PTGER4: variants seen among roughly 807,000 people sequenced by gnomAD.
The protein encoded by PTGER4 is prostaglandin E receptor 4.
Under a neutral mutation model 33.2 loss-of-function variants are expected in PTGER4, and 11 were observed. The observed-to-expected ratio is 0.33, with a 90% CI of 0.21 to 0.55. The LOEUF is 0.55. Ranked by LOEUF, PTGER4 falls within the 20% of genes least tolerant of loss-of-function variation. The pLI is 0.92. For missense variants in PTGER4, 481 were observed against 650.2 expected, an observed-to-expected ratio of 0.74 and a Z score of 2.83; for synonymous variants, 275 against 281.5, an observed-to-expected ratio of 0.98 and a Z score of 0.23.
the PTGER4 span, among the ~76,000 whole-genome samples, chr5:40,725,843 T>TGG: frequency 6.7e-6 from 1 of 149,652 alleles, no homozygotes; most frequent in South Asian, 2.1e-4. Flanking sequence ...TGGAGTGCAG[T>TGG]GGCGCGATCT....
the PTGER4 span, among the ~76,000 whole-genome samples, chr5:40,727,044 T>C: frequency 5.9e-5 from 9 of 152,338 alleles, no homozygotes; most frequent in African/African-American, 1.9e-4. Flanking sequence ...TAACTTACTT[T>C]AATCAAATCA....
At chr5:40,730,006 A>C in the PTGER4 span, among the ~76,000 whole-genome samples, 1 of 152,162 alleles carries the variant, frequency 6.6e-6, no homozygotes, top group Non-Finnish European at 1.5e-5. Context: ...CCCACCAGTG[A>C]CTTTAAAAGA....
At chr5:40,739,936 C>CT in the PTGER4 span, among the ~76,000 whole-genome samples, 212 of 151,890 alleles carry the variant, frequency 1.4e-3, 1 homozygote, top group East Asian at 0.022. Flanking sequence ...ACAAATGGTG[C>CT]TTTTTTTTAA....
Position 40,692,478 on chromosome 5 carries a change from A to T in PTGER4, c.*100A>T, listed in dbSNP as rs560334160. ...TTTAGCTGTGCTCAGAAGGGCTATC[A>T]TCATCCTACAACTCACATTAGAGAA... On this transcript the variant is annotated 3_prime_UTR_variant, in exon 3 of 3. Transcript: ENST00000302472. The T allele has an allele frequency of 3.3e-6, 5 of 1,495,174 alleles. No individual in the cohort carries two copies. The East Asian group carries it at 9.1e-5, about 27-fold the overall frequency. The allele number at this position is 1,495,174 out of a possible 1,614,324, so 92.6% of individuals were successfully genotyped here.
the PTGER4 span, among the ~76,000 whole-genome samples, chr5:40,712,424 G>C: frequency 6.6e-6 from 1 of 152,104 alleles, no homozygotes; most frequent in South Asian, 2.1e-4. Flanking sequence ...TGAACCACTT[G>C]AGACACAGAC....
Position 40,681,446 on chromosome 5 carries a change from C to A in PTGER4, c.453C>A (p.Cys151Ter). 4 of 1,613,848 alleles carry A rather than the reference C, an allele frequency of 2.5e-6. No individual in the cohort carries two copies. Among genetic ancestry groups the A allele is most frequent in the Non-Finnish European group, 3.4e-6 (4 of 1,180,040 alleles). ...TCTATGCGTCCAACGTGCTCTTTTGCGCGCTGCCCAACATGGGTCTCGGTA... is the reference window on the plus strand; with the variant it reads ...TCTATGCGTCCAACGTGCTCTTTTGAGCGCTGCCCAACATGGGTCTCGGTA... Reference protein sequence around the residue: ...FAVYASNVLFCALPNMGLGSS... With the variant: ...FAVYASNVLF Residue 151 changes from cysteine (C) to a stop codon, truncating the protein, a stop_gained, in exon 2 of 3, where the codon TGC becomes TGA. Transcript: ENST00000302472. LOFTEE classifies it high-confidence loss of function. This position sits in a 1 kb window ranked among gnomAD's most constrained non-coding sequence, Gnocchi z 9.8.
At chr5:40,697,238 GAAAGAAAGAAA>G (rs1561134433), downstream of PTGER4, among the ~76,000 whole-genome samples, 1 of 37,602 alleles carries the variant, frequency 2.7e-5, no homozygotes, top group African/African-American at 6.8e-5. Context: ...AAGAAAGAAA[GAAAGAAAGAAA>G]GAAAGAAAGA....
At chr5:40,718,714 G>A in the PTGER4 span, among the ~76,000 whole-genome samples, 10 of 151,592 alleles carry the variant, frequency 6.6e-5, no homozygotes, top group African/African-American at 2.4e-4. Flanking sequence ...CTTCAGCCTG[G>A]GCGACAGAGC....
At chr5:40,734,572 G>A in the PTGER4 span, among the ~76,000 whole-genome samples, 4 of 152,170 alleles carry the variant, frequency 2.6e-5, no homozygotes, top group African/African-American at 7.2e-5. Flanking sequence ...AGCTAAATAA[G>A]TTAGATAGCA....
At position 40,681,775 on chromosome 5, in the gene PTGER4, G is replaced by A; in HGVS notation, c.782G>A (p.Arg261His). 6.3e-7 allele frequency: 1 copy of A among 1,595,296 alleles called. No individual in the cohort carries two copies. Among genetic ancestry groups the A allele is most frequent in the Non-Finnish European group, 8.5e-7 (1 of 1,174,504 alleles). The stretch of plus-strand genomic sequence containing the variant: ...GACTTTCGGCGCCGCCGGAGCTTCC[G>A]CCGCATCGCGGGCGCCGAGATCCAG... ...LSDFRRRRSF[R>H]RIAGAEIQMV... The change falls in exon 2 of 3, where the codon CGC becomes CAC. Residue 261 changes from arginine (R) to histidine (H), a missense_variant. By Grantham distance (29) the Arg-to-His change is conservative. Transcript: ENST00000302472. The surrounding 1 kb of genome is among the most constrained non-coding windows in gnomAD (Gnocchi z 9.8).
In PTGER4 at chr5:40,681,750, G is replaced by T. The variant is rs888549091; in HGVS notation, c.757G>T (p.Asp253Tyr). The change falls in exon 2 of 3, where the codon GAC becomes TAC. Residue 253 changes from aspartate (D) to tyrosine (Y), a missense_variant. By Grantham distance (160) the Asp-to-Tyr change is radical. This residue lies in a region of PTGER4 where 174 missense variants were observed against 210.5 expected (regional missense o/e 0.83). Transcript: ENST00000302472. This position sits in a 1 kb window ranked among gnomAD's most constrained non-coding sequence, Gnocchi z 9.8. ...AASPALPRLS[D>Y]FRRRRSFRRI... ...CTCCCCAGCCTTGCCGCGCCTCAGC[G>T]ACTTTCGGCGCCGCCGGAGCTTCCG... 3 of 1,595,258 alleles carry T rather than the reference G, an allele frequency of 1.9e-6. No homozygotes were observed. Among genetic ancestry groups the T allele is most frequent in the Non-Finnish European group, 8.5e-7 (1 of 1,175,426 alleles).
chr5:40,697,225 G>GAAAAGAAAGAGAAAGAAAGA (rs1741622887), downstream of PTGER4, among the ~76,000 whole-genome samples: 1 of 61,624 alleles, frequency 1.6e-5, no homozygotes, highest in African/African-American at 6.7e-5. Flanking sequence ...AAAGAAAGAA[G>GAAAAGAAAGAGAAAGAAAGA]AAAAGAAAGA....
chr5:40,707,517 C>G, the PTGER4 span, among the ~76,000 whole-genome samples: 1 of 152,040 alleles, frequency 6.6e-6, no homozygotes, highest in Admixed American at 6.6e-5. Flanking sequence ...ACAGGAGCAC[C>G]CAGATTCATA....
the PTGER4 span, among the ~76,000 whole-genome samples, chr5:40,717,759 T>C: frequency 6.6e-6 from 1 of 152,198 alleles, no homozygotes; most frequent in South Asian, 2.1e-4. Flanking sequence ...GCAAACAGAT[T>C]AGTTTTAAGA....
rs1579642908 is a variant in PTGER4, at chr5:40,683,122, A to G, written c.867+1262A>G. 6.6e-6 allele frequency among the ~76,000 whole-genome samples: 1 copy of G among 152,248 alleles called. No homozygotes were observed. Among genetic ancestry groups the G allele is most frequent in the Non-Finnish European group, 1.5e-5 (1 of 68,038 alleles). On this transcript the variant is annotated intron_variant, in intron 2 of 2. Transcript: ENST00000302472. The surrounding 1 kb of genome is among the most constrained non-coding windows in gnomAD (Gnocchi z 4.2). ...GAAATTCTAAACTACCAACTCAAAA[A>G]GAGATAACTGCTTTTTCTTATGCTT...
chr5:40,727,592 T>C, the PTGER4 span, among the ~76,000 whole-genome samples: 1 of 152,220 alleles, frequency 6.6e-6, no homozygotes, highest in Non-Finnish European at 1.5e-5. Flanking sequence ...AACTTTTCAG[T>C]CTAAATGTTC....
chr5:40,730,547 T>C, the PTGER4 span, among the ~76,000 whole-genome samples: 1 of 152,142 alleles, frequency 6.6e-6, no homozygotes, highest in African/African-American at 2.4e-5. Context: ...CCAGAACTTT[T>C]TCATCTTCCC....
the PTGER4 span, among the ~76,000 whole-genome samples, chr5:40,703,631 G>T: frequency 6.6e-6 from 1 of 152,000 alleles, no homozygotes; most frequent in African/African-American, 2.4e-5. Flanking sequence ...GGCCGGGCAC[G>T]GTGTGGCTCA....
At position 40,692,112 on chromosome 5, in the gene PTGER4, C is replaced by G; in HGVS notation, c.1201C>G (p.Leu401Val). ...TCAGACCCTCCTGCCAGACCTCTCA[C>G]TGCCAGACCTCAGTGAAAATGGCCT... is the stretch of plus-strand genomic sequence containing the variant. ...TSQTLLPDLS[L>V]PDLSENGLGG... Residue 401 changes from leucine (L) to valine (V), a missense_variant, in exon 3 of 3, where the codon CTG becomes GTG. By Grantham distance (32) the Leu-to-Val change is conservative. Transcript: ENST00000302472. 6.2e-7 allele frequency: 1 copy of G among 1,614,252 alleles called. No individual in the cohort carries two copies. Among genetic ancestry groups the G allele is most frequent in the Non-Finnish European group, 8.5e-7 (1 of 1,180,054 alleles).
Sources: gnomAD v4.1 joint callset for allele counts (sites outside exome capture counted in the v4.1 genomes callset) on GRCh38, gnomAD v4.1.1 for gene constraint, gnomAD v4.1.1 regional missense constraint, Gnocchi (gnomAD v3.1) non-coding constraint, MANE v1.5 for transcripts, NCBI Gene and HGNC (gene_info 2026-07-23, HGNC 2026-07-21) for gene names.